FRAS1: variants seen among roughly 807,000 people sequenced by gnomAD.
The protein encoded by FRAS1 is Fraser extracellular matrix complex subunit 1.
In FRAS1, 290 loss-of-function variants were observed where a neutral mutation model predicts 435.2. That is an observed-to-expected ratio of 0.67 (90% CI 0.61 to 0.73). FRAS1 has a LOEUF of 0.73. Among genes scored for constraint, FRAS1 ranks in the 30% least tolerant of loss-of-function variants. The pLI is 0.00. For synonymous variants in FRAS1, 1,800 were observed against 1,851.0 expected (o/e 0.97, Z 0.71); for missense variants, 4,860 against 5,001.5 (o/e 0.97, Z 0.85).
chr4:78,436,924 A>G (rs1734452352), intron 38 of FRAS1, among the ~76,000 whole-genome samples: 1 of 152,214 alleles, frequency 6.6e-6, no homozygotes, highest in Non-Finnish European at 1.5e-5. Flanking sequence ...TGATGGGTTC[A>G]TTGATGTAAA....
At position 78,464,208 on chromosome 4, in the gene FRAS1, G is replaced by T. The variant is rs139565244; in HGVS notation, c.6888+63G>T. 1.5e-3 allele frequency: 2,354 copies of T among 1,541,606 alleles called. 41 individuals are homozygous for T. The African/African-American group carries it at 0.026, about 17-fold the overall frequency. On this transcript the variant is annotated intron_variant, in intron 48 of 73. Coordinates refer to ENST00000512123, the MANE Select transcript of FRAS1 (RefSeq NM_025074.7). ...GATTCCTCGCCATCTTCTTTGAGTG[G>T]AGTAGGCAGAGTGACTGGTGAGAGA...
At chr4:78,143,103 G>A (rs1720261723) in intron 2 of FRAS1, among the ~76,000 whole-genome samples, 1 of 152,022 alleles carries the variant, frequency 6.6e-6, no homozygotes, top group African/African-American at 2.4e-5. Flanking sequence ...ACTATATGGT[G>A]CTTAAAAGAA....
At chr4:78,133,791 A>G (rs746823545) in intron 2 of FRAS1, among the ~76,000 whole-genome samples, 2 of 152,206 alleles carry the variant, frequency 1.3e-5, no homozygotes, top group Non-Finnish European at 2.9e-5. Flanking sequence ...ATCACTGATC[A>G]AGTGAGTCAC....
chr4:78,381,385 C>T lies in FRAS1; in HGVS notation c.3563+1389C>T, dbSNP rs151134903. ...GTGGCACGATCTTGGCTCACTGCAA[C>T]CTCTGCCTCTTGGGTTGCCTCAGCC... is the stretch of plus-strand genomic sequence containing the variant. On this transcript the variant is annotated intron_variant, in intron 27 of 73. Transcript: ENST00000512123. Among the ~76,000 whole-genome samples the T allele has an allele frequency of 4.2e-3, 634 of 152,286 alleles. 3 individuals carry two copies. The highest frequency in any genetic ancestry group is 0.011 in the South Asian group (54 of 4,824).
chr4:78,226,131 T>A (rs879540880), intron 2 of FRAS1, among the ~76,000 whole-genome samples: 17 of 152,198 alleles, frequency 1.1e-4, no homozygotes, highest in Non-Finnish European at 1.9e-4. Context: ...TTCTCAGCCA[T>A]TACTATAACC....
At chr4:78,173,180 G>A (rs1297793534) in intron 2 of FRAS1, among the ~76,000 whole-genome samples, 4 of 152,146 alleles carry the variant, frequency 2.6e-5, no homozygotes, top group African/African-American at 4.8e-5. Context: ...TCTTCCTGGG[G>A]TTTTGTCACA....
chr4:78,536,401 A>G (rs190823166), intron 71 of FRAS1, among the ~76,000 whole-genome samples: 10 of 152,234 alleles, frequency 6.6e-5, no homozygotes. Context: ...TGTGGAATGT[A>G]ACAGTATAGC....
chr4:78,365,918 T>C (rs1307242097), intron 22 of FRAS1, among the ~76,000 whole-genome samples: 1 of 149,962 alleles, frequency 6.7e-6, no homozygotes, highest in African/African-American at 2.5e-5. Flanking sequence ...TGAGCTGAGA[T>C]CACGCCATTG....
chr4:78,436,825 G>T (rs1037968378), intron 38 of FRAS1, among the ~76,000 whole-genome samples: 2 of 152,000 alleles, frequency 1.3e-5, no homozygotes, highest in African/African-American at 4.8e-5. Flanking sequence ...TAAGAAACAA[G>T]ATTTAGGGTG....
At chr4:78,365,028 T>A (rs1029332889) in intron 22 of FRAS1, among the ~76,000 whole-genome samples, 7 of 152,246 alleles carry the variant, frequency 4.6e-5, no homozygotes, top group African/African-American at 1.7e-4. Context: ...TACATTCTAA[T>A]GTTATTACAT....
At chr4:78,125,947 C>G (rs190776343) in intron 2 of FRAS1, among the ~76,000 whole-genome samples, 1 of 152,188 alleles carries the variant, frequency 6.6e-6, no homozygotes, top group African/African-American at 2.4e-5. Context: ...TCTGGAGAAG[C>G]TGTCTGCTGC....
intron 34 of FRAS1, 145 bp downstream of exon 34, chr4:78,422,145 C>A (rs1203812905): frequency 2.7e-6 from 2 of 744,412 alleles, no homozygotes; most frequent in Non-Finnish European, 2.0e-6. Flanking sequence ...ACCTGTCAGC[C>A]AATATGTAAC....
At chr4:78,469,442 T>G (rs1719637459) in intron 50 of FRAS1, among the ~76,000 whole-genome samples, 1 of 152,086 alleles carries the variant, frequency 6.6e-6, no homozygotes, top group African/African-American at 2.4e-5. Flanking sequence ...CACCCTCATA[T>G]AGAGAGCTCT....
At chr4:78,364,120 A>AACCTCGCATTTCTTTC in intron 22 of FRAS1, 66 bp downstream of exon 22, 1 of 1,502,268 alleles carries the variant, frequency 6.7e-7, no homozygotes, top group Non-Finnish European at 9.0e-7. Context: ...CCATTGAAAG[A>AACCTCGCATTTCTTTC]AATGCGAGGT....
At chr4:78,484,443 T>A (rs1223155960) in intron 58 of FRAS1, among the ~76,000 whole-genome samples, 1 of 152,234 alleles carries the variant, frequency 6.6e-6, no homozygotes, top group Non-Finnish European at 1.5e-5. Flanking sequence ...TAAACAAACA[T>A]CCTAAGAGTA....
chr4:78,383,676 C>T (rs749153551), intron 27 of FRAS1, among the ~76,000 whole-genome samples: 4 of 152,162 alleles, frequency 2.6e-5, no homozygotes, highest in Non-Finnish European at 5.9e-5. Flanking sequence ...AAGAGGGAAT[C>T]GTGGAGAACT....
chr4:78,262,709 T>G (rs1726168753), intron 6 of FRAS1, among the ~76,000 whole-genome samples: 1 of 152,222 alleles, frequency 6.6e-6, no homozygotes, highest in South Asian at 2.1e-4. Flanking sequence ...ATAAGTATTT[T>G]TATTTAAGGA....
chr4:78,442,002 C>A (rs898172032), intron 41 of FRAS1, among the ~76,000 whole-genome samples: 2 of 152,228 alleles, frequency 1.3e-5, no homozygotes, highest in African/African-American at 4.8e-5. Flanking sequence ...GTGCGGCTTT[C>A]CCTGCACGGA....
intron 2 of FRAS1, among the ~76,000 whole-genome samples, chr4:78,155,024 C>T (rs1015019062): frequency 9.2e-5 from 14 of 152,288 alleles, no homozygotes; most frequent in African/African-American, 3.4e-4. Flanking sequence ...ATTTTTGAGT[C>T]AGGCATAGGA....
Sources: gnomAD v4.1 joint callset for allele counts (sites outside exome capture counted in the v4.1 genomes callset) on GRCh38, gnomAD v4.1.1 for gene constraint, MANE v1.5 for transcripts, NCBI Gene and HGNC (gene_info 2026-07-23, HGNC 2026-07-21) for gene names.